Variants in LGSN observed in about 807,000 individuals in gnomAD.
LGSN encodes the protein lengsin.
Under a neutral mutation model 19.5 loss-of-function variants are expected in LGSN, and 21 were observed. That is an observed-to-expected ratio of 1.07 (90% CI 0.76 to 1.55). The LOEUF (loss-of-function observed/expected upper bound fraction) is 1.55, where lower values mean the gene tolerates loss of function less well. LGSN is among the 40% of genes most tolerant of loss of function. The pLI is 0.00. For missense variants in LGSN, 673 were observed against 608.5 expected, an observed-to-expected ratio of 1.11 and a Z score of -1.12; for synonymous variants, 257 against 215.6, an observed-to-expected ratio of 1.19 and a Z score of -1.68.
the LGSN span, among the ~76,000 whole-genome samples, chr6:63,432,184 A>AAAG: frequency 2.8e-3 from 75 of 26,566 alleles, 1 homozygote; most frequent in African/African-American, 5.2e-3. Context: ...GGAAAGAAAG[A>AAAG]AAAGAAAAGA....
the LGSN span, among the ~76,000 whole-genome samples, chr6:63,518,219 G>T: frequency 6.7e-6 from 1 of 148,402 alleles, no homozygotes; most frequent in African/African-American, 2.5e-5. Context: ...GAAAATATTT[G>T]TGCCACCTTT....
At chr6:63,569,922 A>G in the LGSN span, among the ~76,000 whole-genome samples, 8 of 152,216 alleles carry the variant, frequency 5.3e-5, no homozygotes, top group Admixed American at 2.0e-4. Context: ...CTCCTGACCA[A>G]TGCTGGGATG....
intron 2 of LGSN, chr6:63,293,913 A>T: frequency 5.3e-6 from 2 of 378,688 alleles, no homozygotes; most frequent in Non-Finnish European, 1.0e-5. Context: ...ACTGTCTCTT[A>T]ATATAATATG....
chr6:63,519,036 C>T, the LGSN span, among the ~76,000 whole-genome samples: 19 of 152,136 alleles, frequency 1.2e-4, no homozygotes, highest in African/African-American at 2.2e-4. Flanking sequence ...GACTACAGGC[C>T]GGGCACAGTG....
At chr6:63,468,565 T>C in the LGSN span, among the ~76,000 whole-genome samples, 1 of 151,826 alleles carries the variant, frequency 6.6e-6, no homozygotes, top group Non-Finnish European at 1.5e-5. Flanking sequence ...GTAGCTGGGA[T>C]TACAGGTGCG....
the LGSN span, among the ~76,000 whole-genome samples, chr6:63,330,916 C>G: frequency 6.6e-6 from 1 of 152,196 alleles, no homozygotes; most frequent in African/African-American, 2.4e-5. Flanking sequence ...AAGGTTTGCC[C>G]TAGACCCTGT....
chr6:63,477,147 A>G, the LGSN span, among the ~76,000 whole-genome samples: 3 of 152,248 alleles, frequency 2.0e-5, no homozygotes, highest in Non-Finnish European at 4.4e-5. Flanking sequence ...TTAGAGTTAA[A>G]ATTTAATATA....
At chr6:63,366,111 A>G in the LGSN span, among the ~76,000 whole-genome samples, 1 of 152,222 alleles carries the variant, frequency 6.6e-6, no homozygotes, top group Non-Finnish European at 1.5e-5. Context: ...GGAGAAAGAA[A>G]GAAAGGGTAT....
chr6:63,469,464 T>C, the LGSN span, among the ~76,000 whole-genome samples: 1 of 152,160 alleles, frequency 6.6e-6, no homozygotes, highest in Non-Finnish European at 1.5e-5. Context: ...AAAATGTCAG[T>C]GGACCAGGAC....
At chr6:63,534,086 G>T in the LGSN span, among the ~76,000 whole-genome samples, 126 of 152,064 alleles carry the variant, frequency 8.3e-4, no homozygotes, top group Admixed American at 4.7e-3. Context: ...CAAGTGATCT[G>T]CCCACCTTGA....
chr6:63,449,418 G>A, the LGSN span, among the ~76,000 whole-genome samples: 1 of 151,798 alleles, frequency 6.6e-6, no homozygotes, highest in Admixed American at 6.6e-5. Flanking sequence ...GGTGGTGGGT[G>A]CCTGTAGTCC....
the LGSN span, among the ~76,000 whole-genome samples, chr6:63,513,736 C>T: frequency 6.6e-6 from 1 of 151,730 alleles, no homozygotes; most frequent in Admixed American, 6.6e-5. Context: ...GATGGTGAAA[C>T]CCCGTCTCTA....
chr6:63,325,656 C>T, the LGSN span, among the ~76,000 whole-genome samples: 2 of 152,134 alleles, frequency 1.3e-5, no homozygotes, highest in Admixed American at 6.5e-5. Context: ...GCCGCAGACC[C>T]TCACGGTGAG....
At chr6:63,569,956 C>T in the LGSN span, among the ~76,000 whole-genome samples, 2 of 152,206 alleles carry the variant, frequency 1.3e-5, no homozygotes, top group African/African-American at 4.8e-5. Context: ...CAAGAATCTG[C>T]AGCTTAAAAG....
At chr6:63,505,958 T>C in the LGSN span, among the ~76,000 whole-genome samples, 6 of 152,162 alleles carry the variant, frequency 3.9e-5, no homozygotes, top group Admixed American at 3.9e-4. Flanking sequence ...CGTCATATTT[T>C]ATTTGTAATG....
the LGSN span, among the ~76,000 whole-genome samples, chr6:63,506,783 C>A: frequency 3.3e-5 from 5 of 152,352 alleles, no homozygotes; most frequent in East Asian, 7.7e-4. Flanking sequence ...TGAGCTACCA[C>A]TGAACATATA....
At chr6:63,459,532 G>A in the LGSN span, among the ~76,000 whole-genome samples, 1 of 152,032 alleles carries the variant, frequency 6.6e-6, no homozygotes, top group African/African-American at 2.4e-5. Context: ...TAGAATTAAA[G>A]GTGTGAGCCA....
At chr6:63,572,544 C>G in the LGSN span, 1 of 396,916 alleles carries the variant, frequency 2.5e-6, no homozygotes, top group Non-Finnish European at 4.4e-6. Context: ...TGCTCCGAGC[C>G]GCTCACTGCA....
the LGSN span, among the ~76,000 whole-genome samples, chr6:63,553,097 G>A: frequency 6.6e-6 from 1 of 152,166 alleles, no homozygotes; most frequent in African/African-American, 2.4e-5. Flanking sequence ...TAGAGAGAAT[G>A]TATATCTGTG....
Sources: allele counts gnomAD v4.1 joint callset (sites outside exome capture counted in the v4.1 genomes callset), GRCh38; gene constraint gnomAD v4.1.1; transcripts MANE v1.5; gene names NCBI Gene and HGNC (gene_info 2026-07-23, HGNC 2026-07-21).